Variants in TUNAR observed in about 807,000 individuals in gnomAD.
TUNAR encodes transmembrane neural differentiation associated intracellular calcium regulator, also known as protein TUNAR.
chr14:95,887,031 C>T (rs1889089062), intron 2 of TUNAR, among the ~76,000 whole-genome samples: 1 of 152,136 alleles, frequency 6.6e-6, no homozygotes, highest in Admixed American at 6.5e-5. Flanking sequence ...AGCAAGTTAT[C>T]AGAGCAGATT....
At chr14:95,913,675 G>T (rs1951308) in intron 2 of TUNAR, among the ~76,000 whole-genome samples, 1 of 152,068 alleles carries the variant, frequency 6.6e-6, no homozygotes, top group South Asian at 2.1e-4. Flanking sequence ...CTTGGATATC[G>T]CTCAGCCATG....
intron 2 of TUNAR, among the ~76,000 whole-genome samples, chr14:95,920,670 G>A (rs959675990): frequency 2.6e-5 from 4 of 152,246 alleles, no homozygotes; most frequent in South Asian, 2.1e-4. Context: ...ATCCAGAGCC[G>A]CTCTGTAAGG....
chr14:95,903,080 A>G (rs1234352680), intron 2 of TUNAR, among the ~76,000 whole-genome samples: 1 of 152,294 alleles, frequency 6.6e-6, no homozygotes, highest in Non-Finnish European at 1.5e-5. Flanking sequence ...TTTTGTAGAC[A>G]GGAAAGCTGA....
At chr14:95,886,099 A>G (rs561819130) in intron 2 of TUNAR, among the ~76,000 whole-genome samples, 49 of 152,332 alleles carry the variant, frequency 3.2e-4, no homozygotes, top group Non-Finnish European at 6.0e-4. Flanking sequence ...TCACCGAGCC[A>G]TGGGTCTCCC....
At chr14:95,904,081 TCC>T (rs1336157405) in intron 2 of TUNAR, among the ~76,000 whole-genome samples, 2 of 152,128 alleles carry the variant, frequency 1.3e-5, no homozygotes, top group Non-Finnish European at 2.9e-5. Context: ...CCATCTATAA[TCC>T]CCCATTGCTG....
Position 95,903,546 on chromosome 14 carries a change from C to T in TUNAR, c.13-19235C>T, listed in dbSNP as rs538749687. Among the ~76,000 whole-genome samples the T allele has an allele frequency of 2.6e-4, 39 of 152,350 alleles. 1 individual carries two copies. Among genetic ancestry groups the T allele is most frequent in the African/African-American group, 9.1e-4 (38 of 41,582 alleles). On this transcript the variant is annotated intron_variant, in intron 2 of 2. Coordinates refer to ENST00000678517, the Ensembl canonical transcript of TUNAR. ...CAGTTACCTGTGGAATTATTCTCCC[C>T]ACTTTACAGATGAAAAAAATTGACA...
At chr14:95,885,561 G>T (rs981799759) in intron 2 of TUNAR, among the ~76,000 whole-genome samples, 6 of 152,176 alleles carry the variant, frequency 3.9e-5, no homozygotes, top group Non-Finnish European at 8.8e-5. Flanking sequence ...AGTGTGAGCA[G>T]AAGCACAGAG....
intron 2 of TUNAR, among the ~76,000 whole-genome samples, chr14:95,906,653 C>T (rs2139665650): frequency 6.6e-6 from 1 of 152,302 alleles, no homozygotes; most frequent in African/African-American, 2.4e-5. Context: ...TTTTCTTTCC[C>T]ACCCCCTTCA....
At chr14:95,918,205 A>G (rs1889636552) in intron 2 of TUNAR, among the ~76,000 whole-genome samples, 1 of 152,242 alleles carries the variant, frequency 6.6e-6, no homozygotes, top group Non-Finnish European at 1.5e-5. Flanking sequence ...GTGAAATAAC[A>G]CATCATGAAG....
At chr14:95,888,042 T>C (rs1229890710) in intron 2 of TUNAR, among the ~76,000 whole-genome samples, 2 of 152,242 alleles carry the variant, frequency 1.3e-5, no homozygotes, top group Non-Finnish European at 2.9e-5. Context: ...GCACCTTTTA[T>C]TTGAAGCTGT....
intron 2 of TUNAR, among the ~76,000 whole-genome samples, chr14:95,910,897 C>A (rs1364730067): frequency 1.3e-5 from 2 of 152,234 alleles, no homozygotes; most frequent in African/African-American, 4.8e-5. Flanking sequence ...GCAGAGCTGG[C>A]GGCCACCCTG....
chr14:95,911,804 G>A (rs1889519461), intron 2 of TUNAR, among the ~76,000 whole-genome samples: 1 of 152,160 alleles, frequency 6.6e-6, no homozygotes, highest in Non-Finnish European at 1.5e-5. Context: ...GCACATCAGG[G>A]AGCAAAGATT....
At chr14:95,882,244 C>T (rs1888991422) in intron 2 of TUNAR, among the ~76,000 whole-genome samples, 1 of 150,614 alleles carries the variant, frequency 6.6e-6, no homozygotes, top group African/African-American at 2.4e-5. Flanking sequence ...CCCAGGGCTT[C>T]AGCTCTGGGC....
Position 95,895,820 on chromosome 14 carries a change from C to G in TUNAR, c.12+18643C>G, listed in dbSNP as rs374692533. Reference sequence around the variant, plus strand: ...TCTCTTCCTCCTTCAGATCTCAGCCCGCTGTCGCCTTCTCTCTGACCCTGG... The same window carrying G: ...TCTCTTCCTCCTTCAGATCTCAGCCGGCTGTCGCCTTCTCTCTGACCCTGG... On this transcript the variant is annotated intron_variant, in intron 2 of 2. Coordinates refer to ENST00000678517, the Ensembl canonical transcript of TUNAR. This position sits in a 1 kb window ranked among gnomAD's most constrained non-coding sequence, Gnocchi z 4.5. The G allele has an allele frequency of 6.6e-6, 1 of 152,340 alleles. No individual in the cohort carries two copies. The highest frequency in any genetic ancestry group is 1.5e-5 in the Non-Finnish European group (1 of 68,146). The allele number at this position is 152,340 out of a possible 1,614,324, so 9.4% of individuals were successfully genotyped here. A position where few individuals can be genotyped will look rare whatever the true frequency, so the allele number is the denominator to read the frequency against.
chr14:95,885,531 G>C (rs147887223), intron 2 of TUNAR, among the ~76,000 whole-genome samples: 137 of 152,280 alleles, frequency 9.0e-4, no homozygotes, highest in African/African-American at 3.1e-3. Context: ...AGCGGGAAAG[G>C]CCTTCTAGGT....
intron 2 of TUNAR, among the ~76,000 whole-genome samples, chr14:95,906,556 G>A (rs908405520): frequency 2.0e-5 from 3 of 152,230 alleles, no homozygotes; most frequent in African/African-American, 7.2e-5. Flanking sequence ...TACTGAGTAG[G>A]TGATAGCGTT....
intron 2 of TUNAR, 63 bp from the exon 2 acceptor site, chr14:95,922,718 G>T (rs534257655): frequency 4.0e-5 from 16 of 397,728 alleles, no homozygotes; most frequent in African/African-American, 3.1e-4. Flanking sequence ...CTACAGATCT[G>T]CCTGGCTATG....
intron 2 of TUNAR, among the ~76,000 whole-genome samples, chr14:95,917,770 C>T (rs956868099): frequency 6.6e-6 from 1 of 152,168 alleles, no homozygotes; most frequent in Non-Finnish European, 1.5e-5. Flanking sequence ...ATCACAAATA[C>T]TGTTTTTTAA....
chr14:95,881,286 A>G (rs1888973818), intron 2 of TUNAR, among the ~76,000 whole-genome samples: 1 of 152,254 alleles, frequency 6.6e-6, no homozygotes, highest in Non-Finnish European at 1.5e-5. Flanking sequence ...AAATAAGCCA[A>G]GTGTAACCCT....
Sources: gnomAD v4.1 joint callset for allele counts (sites outside exome capture counted in the v4.1 genomes callset) on GRCh38, gnomAD v4.1.1 for gene constraint, Gnocchi (gnomAD v3.1) non-coding constraint, MANE v1.5 for transcripts, NCBI Gene and HGNC (gene_info 2026-07-23, HGNC 2026-07-21) for gene names.